The following KIAA1549L variants were observed in gnomAD, a reference collection of about 807,000 sequenced individuals.
KIAA1549L encodes UPF0606 protein KIAA1549L.
In KIAA1549L, 88 loss-of-function variants were observed where a neutral mutation model predicts 160.7. That is an observed-to-expected ratio of 0.55 (90% CI 0.46 to 0.65). The LOEUF is 0.65. Ranked by LOEUF, KIAA1549L falls within the 30% of genes least tolerant of loss-of-function variation. The probability of loss-of-function intolerance (pLI) is 0.00; values close to 1 mark genes in which losing one functional copy is unlikely to be tolerated. For synonymous variants in KIAA1549L, 950 were observed against 976.7 expected (o/e 0.97, Z 0.51); for missense variants, 2,258 against 2,437.5 (o/e 0.93, Z 1.55).
chr11:33,607,231 T>G (rs983238530), intron 14 of KIAA1549L, among the ~76,000 whole-genome samples: 12 of 152,106 alleles, frequency 7.9e-5, no homozygotes, highest in African/African-American at 2.7e-4. Flanking sequence ...GAAGATAACG[T>G]CATATGGACA....
chr11:33,572,183 T>A (rs1855283983), intron 9 of KIAA1549L, among the ~76,000 whole-genome samples: 1 of 152,040 alleles, frequency 6.6e-6, no homozygotes, highest in Non-Finnish European at 1.5e-5. Flanking sequence ...AGTACAGGTG[T>A]GTGCCACCAC....
chr11:33,495,638 A>G (rs2133076209), intron 1 of KIAA1549L, among the ~76,000 whole-genome samples: 1 of 152,288 alleles, frequency 6.6e-6, no homozygotes, highest in East Asian at 1.9e-4. Flanking sequence ...TTGGGTATAT[A>G]CCCAGCAATG....
At chr11:33,656,215 C>A (rs892422691) in intron 18 of KIAA1549L, 106 bp downstream of exon 18, 2 of 796,400 alleles carry the variant, frequency 2.5e-6, no homozygotes, top group African/African-American at 1.7e-5. Context: ...TGCTCCACCC[C>A]ATCCAGGGTG....
intron 1 of KIAA1549L, among the ~76,000 whole-genome samples, chr11:33,539,034 C>T (rs1417274911): frequency 6.6e-6 from 1 of 152,162 alleles, no homozygotes; most frequent in Non-Finnish European, 1.5e-5. Context: ...TAATTTCAGT[C>T]TGTTGACATG....
chr11:33,596,503 G>A (rs1280368648), intron 12 of KIAA1549L, among the ~76,000 whole-genome samples: 5 of 152,190 alleles, frequency 3.3e-5, no homozygotes, highest in South Asian at 2.1e-4. Context: ...TTGGGAGGCC[G>A]AGGCAAATGC....
At chr11:33,588,427 T>C (rs1849945080) in intron 11 of KIAA1549L, among the ~76,000 whole-genome samples, 1 of 152,172 alleles carries the variant, frequency 6.6e-6, no homozygotes, top group South Asian at 2.1e-4. Context: ...GCCCTTCATA[T>C]TTTAAATGAG....
chr11:33,466,160 A>G (rs1179482296), intron 1 of KIAA1549L, among the ~76,000 whole-genome samples: 2 of 152,232 alleles, frequency 1.3e-5, no homozygotes, highest in African/African-American at 4.8e-5. Context: ...ACAGCAAAAG[A>G]AAGTATCATC....
chr11:33,604,341 A>G (rs1850442989), intron 13 of KIAA1549L, among the ~76,000 whole-genome samples: 1 of 152,216 alleles, frequency 6.6e-6, no homozygotes, highest in Non-Finnish European at 1.5e-5. Flanking sequence ...GGGAATGCTT[A>G]TACACTGCTG....
chr11:33,668,310 A>G lies in KIAA1549L; in HGVS notation c.*156A>G. 1 of 709,258 alleles carries G rather than the reference A, an allele frequency of 1.4e-6. No homozygotes were observed. Among genetic ancestry groups the G allele is most frequent in the South Asian group, 1.9e-5 (1 of 51,738 alleles). The allele number at this position is 709,258 out of a possible 1,614,324, so 43.9% of individuals were successfully genotyped here. A position where few individuals can be genotyped will look rare whatever the true frequency, so the allele number is the denominator to read the frequency against. On this transcript the variant is annotated 3_prime_UTR_variant, in exon 21 of 21. Coordinates refer to ENST00000658780, the MANE Select transcript of KIAA1549L (RefSeq NM_012194.3). ...GAACTATGGGGCTTCTGGGAACAGG[A>G]AACTCTTGAACGACTAGATTCTTGG...
At chr11:33,642,477 T>A (rs1446073747) in intron 16 of KIAA1549L, among the ~76,000 whole-genome samples, 1 of 152,164 alleles carries the variant, frequency 6.6e-6, no homozygotes, top group Admixed American at 6.5e-5. Context: ...GAAGGGGTTC[T>A]CACCCCTGAC....
intron 1 of KIAA1549L, among the ~76,000 whole-genome samples, chr11:33,408,485 A>ATGTG (rs1554974404): frequency 0.12 from 16,822 of 142,990 alleles, 1,129 homozygotes; most frequent in African/African-American, 0.19. Flanking sequence ...TACTCTGTAT[A>ATGTG]TGTGTATATA....
At chr11:33,537,853 T>C (rs139064031) in intron 1 of KIAA1549L, among the ~76,000 whole-genome samples, 2 of 152,330 alleles carry the variant, frequency 1.3e-5, no homozygotes, top group African/African-American at 4.8e-5. Flanking sequence ...GGATCAGTCA[T>C]TTGAATTTTG....
intron 1 of KIAA1549L, among the ~76,000 whole-genome samples, chr11:33,525,084 C>G (rs1853581416): frequency 6.6e-6 from 1 of 152,132 alleles, no homozygotes; most frequent in South Asian, 2.1e-4. Flanking sequence ...CATGCACCTC[C>G]CACGTGGATG....
At chr11:33,538,991 T>G (rs369758711) in intron 1 of KIAA1549L, among the ~76,000 whole-genome samples, 1 of 152,332 alleles carries the variant, frequency 6.6e-6, no homozygotes, top group Non-Finnish European at 1.5e-5. Context: ...CAAGCCTTTC[T>G]GTTTAATCCT....
intron 17 of KIAA1549L, among the ~76,000 whole-genome samples, chr11:33,655,592 C>T (rs1355101545): frequency 6.6e-6 from 1 of 152,142 alleles, no homozygotes; most frequent in Non-Finnish European, 1.5e-5. Flanking sequence ...TAGTTGGTGG[C>T]AGATCGTAAA....
Position 33,545,212 on chromosome 11 carries a change from C to T in KIAA1549L, c.3219C>T (p.Ala1073=), listed in dbSNP as rs190159985. The change falls in exon 3 of 21, where the codon GCC becomes GCT. Residue 1073 remains alanine, a synonymous_variant. Coordinates refer to ENST00000658780, the MANE Select transcript of KIAA1549L (RefSeq NM_012194.3). ...ASTPRPLTVT[A]ALTSITASVK... is the part of the protein sequence containing the mutation. ...CGCCACGCCCACTGACAGTCACGGC[C>T]GCGCTGACATCCATTACAGCCTCAG... 1.3e-4 allele frequency: 210 copies of T among 1,614,022 alleles called. No individual in the cohort carries two copies. In the African/African-American group the frequency reaches 1.7e-3, roughly 13 times the overall value.
intron 1 of KIAA1549L, among the ~76,000 whole-genome samples, chr11:33,475,151 CT>C (rs754085668): frequency 6.6e-6 from 1 of 152,184 alleles, no homozygotes; most frequent in Non-Finnish European, 1.5e-5. Context: ...GTATATGCCC[CT>C]AACACCCAAT....
chr11:33,533,825 T>A (rs1338752439), intron 1 of KIAA1549L, among the ~76,000 whole-genome samples: 1 of 152,216 alleles, frequency 6.6e-6, no homozygotes, highest in Non-Finnish European at 1.5e-5. Flanking sequence ...CACCCTTGTT[T>A]CCAACGTAAA....
Position 33,645,922 on chromosome 11 carries a change from G to A in KIAA1549L, c.5646G>A (p.Leu1882=). 1.9e-6 allele frequency: 3 copies of A among 1,613,232 alleles called. No homozygotes were observed. Among genetic ancestry groups the A allele is most frequent in the African/African-American group, 1.3e-5 (1 of 75,036 alleles). The change falls in exon 17 of 21, where the codon CTG becomes CTA. Residue 1882 remains leucine (L), a synonymous_variant. Transcript: ENST00000658780. Reference sequence around the variant, plus strand: ...AGGCCTACGGCTCAGCCCAGCACCTGCCCTATTCGGAGGTGGTGACCAGCG... The same window carrying A: ...AGGCCTACGGCTCAGCCCAGCACCTACCCTATTCGGAGGTGGTGACCAGCG... ...HQEAYGSAQH[L]PYSEVVTSAP...
Sources: gnomAD v4.1 joint callset for allele counts (sites outside exome capture counted in the v4.1 genomes callset) on GRCh38, gnomAD v4.1.1 for gene constraint, MANE v1.5 for transcripts, NCBI Gene and HGNC (gene_info 2026-07-23, HGNC 2026-07-21) for gene names.